C10orf90: variants seen among roughly 807,000 people sequenced by gnomAD.
C10orf90 encodes (E2-independent) E3 ubiquitin-conjugating enzyme FATS.
Under a neutral mutation model 62.5 loss-of-function variants are expected in C10orf90, and 56 were observed. That is an observed-to-expected ratio of 0.90 (90% CI 0.72 to 1.12). The LOEUF (loss-of-function observed/expected upper bound fraction) is 1.12, where lower values mean the gene tolerates loss of function less well. Ranked by LOEUF, C10orf90 falls within the 50% of genes most tolerant of loss-of-function variation. The pLI is 0.00. For missense variants in C10orf90, 970 were observed against 880.4 expected (o/e 1.10, Z -1.29); for synonymous variants, 386 against 340.4 (o/e 1.13, Z -1.47).
In C10orf90 at chr10:126,425,072, C is replaced by T. The variant is rs913021318; in HGVS notation, c.*792G>A. 5.9e-5 allele frequency: 9 copies of T among 152,312 alleles called. No homozygotes were observed. The highest frequency in any genetic ancestry group is 2.2e-4 in the African/African-American group (9 of 41,564). 9.4% of individuals were successfully genotyped at this position (152,312 alleles called of 1,614,324 possible). ...GCTTGTTCTTAGCTTCCCAAACAGA[C>T]ATATTTATAAATAATGTGTATTATA... On this transcript the variant is annotated 3_prime_UTR_variant, in exon 10 of 10. Coordinates refer to ENST00000488181, the MANE Select transcript of C10orf90 (RefSeq NM_001350921.2).
At chr10:126,497,297 G>C (rs1390966331) in intron 4 of C10orf90, among the ~76,000 whole-genome samples, 2 of 152,122 alleles carry the variant, frequency 1.3e-5, no homozygotes, top group Non-Finnish European at 1.5e-5. Context: ...GATGGTATTG[G>C]TCAGAAAAGG....
intron 2 of C10orf90, among the ~76,000 whole-genome samples, chr10:126,576,749 CAT>C (rs1844632148): frequency 1.4e-5 from 1 of 72,508 alleles, no homozygotes; most frequent in African/African-American, 7.5e-5. Flanking sequence ...TGTATATATA[CAT>C]ATAGATAATA....
chr10:126,552,626 C>T (rs1370149014), intron 2 of C10orf90, among the ~76,000 whole-genome samples: 1 of 152,236 alleles, frequency 6.6e-6, no homozygotes, highest in African/African-American at 2.4e-5. Context: ...CCACCTGCAG[C>T]CCGATCGTGT....
At chr10:126,516,885 C>T (rs1351860166) in intron 2 of C10orf90, among the ~76,000 whole-genome samples, 15 of 23,640 alleles carry the variant, frequency 6.3e-4, no homozygotes, top group African/African-American at 1.7e-3. Context: ...CTCACAGCCC[C>T]GCATCACTCA....
intron 4 of C10orf90, among the ~76,000 whole-genome samples, chr10:126,479,559 G>A (rs551354938): frequency 6.6e-6 from 1 of 152,292 alleles, no homozygotes; most frequent in East Asian, 1.9e-4. Flanking sequence ...AGTCTGAGTT[G>A]GGCAGGACCC....
intron 4 of C10orf90, among the ~76,000 whole-genome samples, chr10:126,485,776 T>TA (rs55941505): frequency 0.023 from 3,388 of 144,944 alleles, 127 homozygotes; most frequent in African/African-American, 0.075. Context: ...CTATCTCTAT[T>TA]AAAAAAAAAA....
At chr10:126,553,047 G>A (rs536731567) in intron 2 of C10orf90, among the ~76,000 whole-genome samples, 1 of 152,132 alleles carries the variant, frequency 6.6e-6, no homozygotes, top group Non-Finnish European at 1.5e-5. Flanking sequence ...ACTAAGAAAG[G>A]TCAAACCAAA....
At chr10:126,530,604 C>CA (rs1384872148) in intron 2 of C10orf90, among the ~76,000 whole-genome samples, 1 of 151,756 alleles carries the variant, frequency 6.6e-6, no homozygotes, top group Admixed American at 6.6e-5. Flanking sequence ...CCATAAAGAA[C>CA]ATGCCAGATT....
At chr10:126,502,143 A>T (rs2133877669) in intron 4 of C10orf90, among the ~76,000 whole-genome samples, 1 of 151,852 alleles carries the variant, frequency 6.6e-6, no homozygotes, top group Admixed American at 6.6e-5. Flanking sequence ...ACACACACAC[A>T]CTAGGTGCAA....
At chr10:126,493,631 C>T (rs1208190550) in intron 4 of C10orf90, among the ~76,000 whole-genome samples, 1 of 152,138 alleles carries the variant, frequency 6.6e-6, no homozygotes, top group African/African-American at 2.4e-5. Flanking sequence ...GCTGGGATTA[C>T]AGGAGTGAGC....
intron 2 of C10orf90, among the ~76,000 whole-genome samples, chr10:126,565,036 A>T (rs181362625): frequency 8.0e-3 from 110 of 13,680 alleles, no homozygotes; most frequent in Non-Finnish European, 9.7e-3. Context: ...TATTATATAA[A>T]ATATATAATA....
In C10orf90 at chr10:126,464,864, G is replaced by A; in HGVS notation, c.1657C>T (p.Pro553Ser). 1 of 1,614,076 alleles carries A rather than the reference G, an allele frequency of 6.2e-7. No individual in the cohort carries two copies. Among genetic ancestry groups the A allele is most frequent in the Non-Finnish European group, 8.5e-7 (1 of 1,179,948 alleles). ...RHFLPIGDSS[P>S]SDDCLSRDLS... Reference sequence around the variant, plus strand: ...TCTCTAGACAGACAGTCATCGCTTGGAGAGCTATCCCCAATGGGAAGGAAA... The same window carrying A: ...TCTCTAGACAGACAGTCATCGCTTGAAGAGCTATCCCCAATGGGAAGGAAA... The change falls in exon 5 of 10, where the codon CCA becomes TCA. Residue 553 changes from proline to serine, a missense_variant. Coordinates refer to ENST00000488181, the MANE Select transcript of C10orf90 (RefSeq NM_001350921.2).
rs535867320 is a variant in C10orf90 at position 126,447,937 on chromosome 10, C to G, written c.2188+11103G>C. 1.3e-3 allele frequency among the ~76,000 whole-genome samples: 193 copies of G among 151,492 alleles called. 1 individual carries two copies. Among genetic ancestry groups the G allele is most frequent in the African/African-American group, 4.5e-3 (187 of 41,256 alleles). Reference sequence around the variant, plus strand: ...TGCAATCTTGGCTCAGTGCAACCTCCGCCTCCGGGGTTCAAGTGACTCTCC... The same window carrying G: ...TGCAATCTTGGCTCAGTGCAACCTCGGCCTCCGGGGTTCAAGTGACTCTCC... On this transcript the variant is annotated intron_variant, in intron 7 of 9. Coordinates refer to ENST00000488181, the MANE Select transcript of C10orf90 (RefSeq NM_001350921.2).
chr10:126,451,308 C>G (rs1859171343), intron 7 of C10orf90, among the ~76,000 whole-genome samples: 1 of 152,074 alleles, frequency 6.6e-6, no homozygotes, highest in South Asian at 2.1e-4. Context: ...AATAGAATGA[C>G]CAATCCTACT....
intron 4 of C10orf90, among the ~76,000 whole-genome samples, chr10:126,471,104 C>T (rs777763343): frequency 1.3e-5 from 2 of 152,114 alleles, no homozygotes; most frequent in East Asian, 1.9e-4. Context: ...ATAAACAGCT[C>T]CCGGCAGAGA....
chr10:126,613,214 C>A (rs974736570), intron 2 of C10orf90, among the ~76,000 whole-genome samples: 4 of 152,012 alleles, frequency 2.6e-5, no homozygotes, highest in Non-Finnish European at 5.9e-5. Flanking sequence ...TGACCATTTT[C>A]TTTTATTTTG....
intron 3 of C10orf90, among the ~76,000 whole-genome samples, chr10:126,507,356 C>CTA (rs1862805963): frequency 1.4e-5 from 1 of 69,062 alleles, no homozygotes; most frequent in African/African-American, 5.3e-5. Context: ...GACTCCATCT[C>CTA]AAAAAAAAAA....
In C10orf90 at chr10:126,490,746, T is replaced by C. The variant is rs572381352; in HGVS notation, c.1534+13211A>G. Reference sequence around the variant, plus strand: ...GATATAGAGAGAATCTATATATCTCTATTTTTGAAAATCCCCACAGCTAAC... The same window carrying C: ...GATATAGAGAGAATCTATATATCTCCATTTTTGAAAATCCCCACAGCTAAC... On this transcript the variant is annotated intron_variant, in intron 4 of 9. Coordinates refer to ENST00000488181, the MANE Select transcript of C10orf90 (RefSeq NM_001350921.2). Among the ~76,000 whole-genome samples, 7 of 152,276 alleles carry C rather than the reference T, an allele frequency of 4.6e-5. No homozygotes were observed. In the East Asian group the frequency reaches 1.3e-3, roughly 29 times the overall value.
rs529241096 is a variant in C10orf90, at chr10:126,612,562, A to T, written c.313+34003T>A. Reference sequence around the variant, plus strand: ...CATGGCCCATTTTGCCAGCCATCTGAAGAGGTTTGGAATTCTTAGGGATGC... The same window carrying T: ...CATGGCCCATTTTGCCAGCCATCTGTAGAGGTTTGGAATTCTTAGGGATGC... On this transcript the variant is annotated intron_variant, in intron 2 of 9. Transcript: ENST00000488181. Among the ~76,000 whole-genome samples the T allele has an allele frequency of 1.4e-4, 21 of 152,258 alleles. No homozygotes were observed. The East Asian group carries it at 3.9e-3, about 28-fold the overall frequency.
Sources: gnomAD v4.1 joint callset for allele counts (sites outside exome capture counted in the v4.1 genomes callset) on GRCh38, gnomAD v4.1.1 for gene constraint, MANE v1.5 for transcripts, NCBI Gene and HGNC (gene_info 2026-07-23, HGNC 2026-07-21) for gene names.